The following RPS6KA5 variants were observed in gnomAD, a reference collection of about 807,000 sequenced individuals.
RPS6KA5 encodes ribosomal protein S6 kinase alpha-5.
A neutral mutation model predicts 85.5 loss-of-function variants in RPS6KA5; 27 were observed. That is an observed-to-expected ratio of 0.32 (90% CI 0.23 to 0.44). The LOEUF (loss-of-function observed/expected upper bound fraction) is 0.44, where lower values mean the gene tolerates loss of function less well. Among genes scored for constraint, RPS6KA5 ranks in the 20% least tolerant of loss-of-function variants. The pLI, the probability that RPS6KA5 is intolerant of heterozygous loss-of-function variation, is 1.00. For synonymous variants in RPS6KA5, 334 were observed against 348.2 expected (o/e 0.96, Z 0.46); for missense variants, 811 against 980.9 (o/e 0.83, Z 2.31).
At position 90,862,758 on chromosome 14, in the gene RPS6KA5, C is replaced by T. The variant is rs2032623180; in HGVS notation, c.*9316G>A. On this transcript the variant is annotated 3_prime_UTR_variant, in exon 17 of 17. Coordinates refer to ENST00000614987, the MANE Select transcript of RPS6KA5 (RefSeq NM_004755.4). ...GATTACAGGTGTGAGATACCACACC[C>T]AGTCTAGGTCTATCCTCCTTATGAT... 1 of 152,234 alleles carries T rather than the reference C, an allele frequency of 6.6e-6. No individual in the cohort carries two copies. The highest frequency in any genetic ancestry group is 6.5e-5 in the Admixed American group (1 of 15,298). 9.4% of individuals were successfully genotyped at this position (152,234 alleles called of 1,614,324 possible).
rs571891486 is a variant in RPS6KA5 at position 90,975,557 on chromosome 14, C to G, written c.394+2749G>C. Among the ~76,000 whole-genome samples the G allele has an allele frequency of 2.0e-5, 3 of 152,332 alleles. No homozygotes were observed. The South Asian group carries it at 6.2e-4, about 32-fold the overall frequency. ...GAAGAGGTGGTAAGACAGTGGCCATCTGCAAGCCAAGGAAAGAGGCCGTGG... is the reference window on the plus strand; with the variant it reads ...GAAGAGGTGGTAAGACAGTGGCCATGTGCAAGCCAAGGAAAGAGGCCGTGG... On this transcript the variant is annotated intron_variant, in intron 3 of 16. Coordinates refer to ENST00000614987, the MANE Select transcript of RPS6KA5 (RefSeq NM_004755.4).
intron 1 of RPS6KA5, among the ~76,000 whole-genome samples, chr14:91,003,391 C>T (rs1453635902): frequency 9.9e-5 from 15 of 152,138 alleles, no homozygotes; most frequent in Admixed American, 9.8e-4. Flanking sequence ...CTTTCTTTTA[C>T]AAAGTATAGT....
chr14:91,015,245 T>C (rs962449489), intron 1 of RPS6KA5, among the ~76,000 whole-genome samples: 3 of 152,174 alleles, frequency 2.0e-5, no homozygotes, highest in African/African-American at 7.2e-5. Flanking sequence ...TCTAGACATA[T>C]AAAGAACAGA....
intron 3 of RPS6KA5, among the ~76,000 whole-genome samples, chr14:90,968,133 C>T (rs2039157723): frequency 6.6e-6 from 1 of 152,200 alleles, no homozygotes; most frequent in African/African-American, 2.4e-5. Context: ...AGGGAAAAAT[C>T]TGTTTCCTGG....
intron 3 of RPS6KA5, among the ~76,000 whole-genome samples, chr14:90,970,093 T>C (rs2039251232): frequency 6.6e-6 from 1 of 152,228 alleles, no homozygotes; most frequent in African/African-American, 2.4e-5. Flanking sequence ...AGTCATTTCT[T>C]TTTAATGTCA....
intron 3 of RPS6KA5, among the ~76,000 whole-genome samples, chr14:90,967,362 TGAGGATTATGA>T (rs1253640727): frequency 6.6e-6 from 1 of 152,168 alleles, no homozygotes; most frequent in Admixed American, 6.5e-5. Flanking sequence ...AATGAGCTAC[TGAGGATTATGA>T]GCCAGGCATA....
In RPS6KA5 at chr14:90,858,971, C is replaced by T. The variant is rs143865489; in HGVS notation, c.*13103G>A. 7.3e-3 allele frequency: 1,115 copies of T among 152,212 alleles called. 13 individuals are homozygous for T. Among genetic ancestry groups the T allele is most frequent in the Non-Finnish European group, 0.013 (859 of 68,046 alleles). 9.4% of individuals were successfully genotyped at this position (152,212 alleles called of 1,614,324 possible). On this transcript the variant is annotated 3_prime_UTR_variant, in exon 17 of 17. Transcript: ENST00000614987. ...TTGAGGTGTCTGCCAATTGCAGACT[C>T]CTGTGCAACAAGGTGAGACTTCAAG...
intron 3 of RPS6KA5, 54 bp downstream of exon 3, chr14:90,978,252 T>G: frequency 1.5e-6 from 2 of 1,362,856 alleles, no homozygotes; most frequent in Non-Finnish European, 1.0e-6. Context: ...CATTATAACT[T>G]AAGACCCAAA....
At chr14:91,034,642 C>G (rs753213172) in intron 1 of RPS6KA5, among the ~76,000 whole-genome samples, 1 of 152,184 alleles carries the variant, frequency 6.6e-6, no homozygotes, top group Non-Finnish European at 1.5e-5. Flanking sequence ...AAGCCAGCCA[C>G]CCCAGCCAGC....
chr14:90,876,442 T>C (rs2088940338), intron 14 of RPS6KA5, among the ~76,000 whole-genome samples: 1 of 152,248 alleles, frequency 6.6e-6, no homozygotes, highest in South Asian at 2.1e-4. Context: ...GTTTTCATTG[T>C]AGCCATATGT....
chr14:90,928,399 G>A (rs2036795592), intron 5 of RPS6KA5, among the ~76,000 whole-genome samples: 1 of 151,752 alleles, frequency 6.6e-6, no homozygotes, highest in African/African-American at 2.4e-5. Flanking sequence ...AAAGTAAAAT[G>A]CACAAAATAA....
intron 2 of RPS6KA5, among the ~76,000 whole-genome samples, chr14:90,982,572 A>G (rs2039842163): frequency 6.6e-6 from 1 of 152,268 alleles, no homozygotes; most frequent in Admixed American, 6.5e-5. Context: ...CTGCATCAAC[A>G]TGCAATGGCA....
chr14:90,885,655 T>C (rs923575403), intron 14 of RPS6KA5, among the ~76,000 whole-genome samples: 3 of 124,946 alleles, frequency 2.4e-5, no homozygotes, highest in African/African-American at 9.6e-5. Context: ...GGCAGGAGAA[T>C]GGCGTGAACC....
rs1220977129 is a variant in RPS6KA5, at chr14:90,862,385, T to G, written c.*9689A>C. 6.6e-6 allele frequency: 1 copy of G among 152,068 alleles called. No homozygotes were observed. The highest frequency in any genetic ancestry group is 1.5e-5 in the Non-Finnish European group (1 of 68,026). 9.4% of individuals were successfully genotyped at this position (152,068 alleles called of 1,614,324 possible). A position where few individuals can be genotyped will look rare whatever the true frequency, so the allele number is the denominator to read the frequency against. On this transcript the variant is annotated 3_prime_UTR_variant, in exon 17 of 17. Coordinates refer to ENST00000614987, the MANE Select transcript of RPS6KA5 (RefSeq NM_004755.4). ...GCCAGAATAATCTTGATACCAAAAC[T>G]TGACAAAAATATTAAAGACAGAAAA...
intron 5 of RPS6KA5, among the ~76,000 whole-genome samples, chr14:90,928,100 G>A (rs1257778034): frequency 6.6e-6 from 1 of 151,526 alleles, no homozygotes; most frequent in Admixed American, 6.6e-5. Flanking sequence ...GCTAATTTTT[G>A]TACTTTTTGT....
At chr14:90,975,046 A>G (rs7152012) in intron 3 of RPS6KA5, among the ~76,000 whole-genome samples, 2,720 of 152,294 alleles carry the variant, frequency 0.018, 62 homozygotes, top group African/African-American at 0.063. Flanking sequence ...AGAAGAATAT[A>G]TACTGATAAC....
intron 2 of RPS6KA5, among the ~76,000 whole-genome samples, chr14:90,999,511 A>G (rs1396185302): frequency 6.6e-6 from 1 of 151,894 alleles, no homozygotes; most frequent in South Asian, 2.1e-4. Flanking sequence ...GGGGAGGAGG[A>G]GGGGGAGGGG....
At chr14:91,028,055 C>T (rs567264726) in intron 1 of RPS6KA5, among the ~76,000 whole-genome samples, 5 of 152,218 alleles carry the variant, frequency 3.3e-5, no homozygotes, top group South Asian at 2.1e-4. Flanking sequence ...GAAATTCAAA[C>T]GACATGCAGT....
In RPS6KA5 at chr14:90,923,622, G is replaced by C. The variant is rs1278990177; in HGVS notation, c.619-426C>G. 5.9e-5 allele frequency among the ~76,000 whole-genome samples: 9 copies of C among 152,244 alleles called. No individual in the cohort carries two copies. In the East Asian group the frequency reaches 1.7e-3, roughly 29 times the overall value. On this transcript the variant is annotated intron_variant, in intron 5 of 16. Coordinates refer to ENST00000614987, the MANE Select transcript of RPS6KA5 (RefSeq NM_004755.4). ...TAGTATGAATGACTTTATTAGGCAA[G>C]ATTGAGAAAACACTGGGTAACTTGA...
Sources: gnomAD v4.1 joint callset for allele counts (sites outside exome capture counted in the v4.1 genomes callset) on GRCh38, gnomAD v4.1.1 for gene constraint, MANE v1.5 for transcripts, NCBI Gene and HGNC (gene_info 2026-07-23, HGNC 2026-07-21) for gene names.